Variants in CAST observed in about 807,000 individuals in gnomAD.
CAST encodes the protein calpastatin, also known as MIR583 host.
CAST carries 76 observed loss-of-function variants against 119.6 expected under a neutral mutation model. The observed-to-expected ratio is 0.64, with a 90% CI of 0.53 to 0.77. The LOEUF (loss-of-function observed/expected upper bound fraction) is 0.77, where lower values mean the gene tolerates loss of function less well. Ranked by LOEUF, CAST falls within the 30% of genes least tolerant of loss-of-function variation. CAST has a pLI of 0.00. For missense variants in CAST, 953 were observed against 946.5 expected (o/e 1.01, Z -0.09); for synonymous variants, 319 against 331.6 (o/e 0.96, Z 0.41).
the CAST span, chr5:96,393,061 G>A: frequency 1.2e-6 from 2 of 1,614,024 alleles, no homozygotes; most frequent in Non-Finnish European, 1.7e-6. Context: ...CTCTGTGCTT[G>A]TAAGGTTTAG....
intron 1 of CAST, among the ~76,000 whole-genome samples, chr5:96,568,584 A>T (rs1412333677): frequency 6.6e-6 from 1 of 151,340 alleles, no homozygotes; most frequent in Non-Finnish European, 1.5e-5. Flanking sequence ...AAAAAAAAAA[A>T]AAAAGAAGAT....
the CAST span, among the ~76,000 whole-genome samples, chr5:96,162,207 C>T: frequency 6.6e-6 from 1 of 152,184 alleles, no homozygotes; most frequent in South Asian, 2.1e-4. Flanking sequence ...GGGAGTAAAG[C>T]ATTCAGTCTT....
At chr5:96,428,374 C>A in the CAST span, among the ~76,000 whole-genome samples, 2 of 152,052 alleles carry the variant, frequency 1.3e-5, no homozygotes, top group Admixed American at 6.5e-5. Context: ...AGATATCAGG[C>A]GAATCAGGAT....
chr5:96,697,483 G>A (rs749175453), intron 3 of CAST, among the ~76,000 whole-genome samples: 3 of 152,058 alleles, frequency 2.0e-5, no homozygotes, highest in Non-Finnish European at 4.4e-5. Flanking sequence ...TTTAAGACCC[G>A]TGCCTTTTAA....
intron 12 of CAST, 94 bp downstream of exon 12, chr5:96,740,212 T>C (rs1762401639): frequency 1.5e-6 from 1 of 653,288 alleles, no homozygotes; most frequent in African/African-American, 1.9e-5. Flanking sequence ...AGTTAGAAAA[T>C]ATAATGGTGC....
intron 1 of CAST, among the ~76,000 whole-genome samples, chr5:96,553,927 A>T (rs539427026): frequency 3.3e-5 from 5 of 152,236 alleles, no homozygotes; most frequent in Non-Finnish European, 5.9e-5. Context: ...ATGGAAAAAC[A>T]TTCCATGCTC....
intron 1 of CAST, among the ~76,000 whole-genome samples, chr5:96,540,146 C>A (rs945876657): frequency 1.3e-5 from 2 of 152,048 alleles, no homozygotes; most frequent in African/African-American, 4.8e-5. Flanking sequence ...TACATATTAG[C>A]TCCACAATGT....
chr5:96,698,094 C>T (rs572465792), intron 3 of CAST, among the ~76,000 whole-genome samples: 2 of 152,274 alleles, frequency 1.3e-5, no homozygotes, highest in Non-Finnish European at 2.9e-5. Context: ...GTAAATGTTC[C>T]CACACTTGCT....
chr5:96,041,561 T>C, the CAST span, among the ~76,000 whole-genome samples: 1 of 152,134 alleles, frequency 6.6e-6, no homozygotes. Flanking sequence ...CTGTGGACCT[T>C]AGTTATTAAT....
the CAST span, among the ~76,000 whole-genome samples, chr5:96,063,591 A>G: frequency 2.6e-5 from 4 of 152,164 alleles, no homozygotes; most frequent in Non-Finnish European, 2.9e-5. Context: ...TCTTAGTCTG[A>G]TAAATCAGCA....
chr5:96,377,022 CAAAAT>C, the CAST span, among the ~76,000 whole-genome samples: 1 of 150,862 alleles, frequency 6.6e-6, no homozygotes, highest in African/African-American at 2.5e-5. Flanking sequence ...AAAAGTAAAA[CAAAAT>C]AAATAAAATA....
the CAST span, among the ~76,000 whole-genome samples, chr5:96,230,694 G>A: frequency 2.6e-5 from 4 of 152,070 alleles, no homozygotes; most frequent in African/African-American, 9.7e-5. Flanking sequence ...TACACCATCA[G>A]GAAGGTGAAA....
intron 1 of CAST, among the ~76,000 whole-genome samples, chr5:96,552,094 C>T (rs1746141810): frequency 6.6e-6 from 1 of 152,154 alleles, no homozygotes; most frequent in Non-Finnish European, 1.5e-5. Context: ...GAACTCTCCA[C>T]CCCAAATCAA....
chr5:96,155,301 G>A, the CAST span, among the ~76,000 whole-genome samples: 1 of 152,152 alleles, frequency 6.6e-6, no homozygotes, highest in Non-Finnish European at 1.5e-5. Flanking sequence ...GAGCACTCCT[G>A]TTTCCCAGAG....
chr5:96,515,269 G>A, the CAST span, among the ~76,000 whole-genome samples: 1 of 127,646 alleles, frequency 7.8e-6, no homozygotes, highest in African/African-American at 2.9e-5. Context: ...TCCTGGGGAT[G>A]AAAATATTGG....
intron 1 of CAST, among the ~76,000 whole-genome samples, chr5:96,555,559 C>T (rs993227989): frequency 4.6e-5 from 7 of 152,222 alleles, no homozygotes; most frequent in South Asian, 4.1e-4. Context: ...TCTTAGCAAA[C>T]GGCACACCAG....
At chr5:96,218,137 T>C in the CAST span, among the ~76,000 whole-genome samples, 1 of 152,222 alleles carries the variant, frequency 6.6e-6, no homozygotes, top group Non-Finnish European at 1.5e-5. Context: ...GGGTTCAAAT[T>C]ACAGTCTATC....
chr5:96,289,247 T>A, the CAST span, among the ~76,000 whole-genome samples: 1 of 152,220 alleles, frequency 6.6e-6, no homozygotes, highest in African/African-American at 2.4e-5. Context: ...ATTTGCCTTG[T>A]GTTCAACAAA....
the CAST span, among the ~76,000 whole-genome samples, chr5:96,427,880 T>C: frequency 8.9e-3 from 1,352 of 152,274 alleles, 12 homozygotes; most frequent in Middle Eastern, 0.017. Flanking sequence ...CCACACACGA[T>C]GAGCCCTCTC....
Sources: gnomAD v4.1 joint callset for allele counts (sites outside exome capture counted in the v4.1 genomes callset) on GRCh38, gnomAD v4.1.1 for gene constraint, MANE v1.5 for transcripts, NCBI Gene and HGNC (gene_info 2026-07-23, HGNC 2026-07-21) for gene names.